Variants in TFB1M observed in about 807,000 individuals in gnomAD.
TFB1M encodes transcription factor B1, mitochondrial.
In TFB1M, 27 loss-of-function variants were observed where a neutral mutation model predicts 31.1. The ratio of observed to expected loss-of-function variants is 0.87; its 90% CI spans 0.64 to 1.20. TFB1M has a LOEUF of 1.20. Ranked by LOEUF, TFB1M falls within the 50% of genes most tolerant of loss-of-function variation. The pLI is 0.00. For missense variants in TFB1M, 394 were observed against 418.7 expected (o/e 0.94, Z 0.51); for synonymous variants, 166 against 151.8 (o/e 1.09, Z -0.69).
chr6:155,254,161 A>T, downstream of TFB1M: 2 of 1,284,904 alleles, frequency 1.6e-6, no homozygotes, highest in South Asian at 2.8e-5. Context: ...TGATGATATC[A>T]GGGTCATACT....
chr6:155,314,030 T>C, intron 1 of TFB1M: 2 of 1,264,476 alleles, frequency 1.6e-6, no homozygotes, highest in South Asian at 3.1e-5. Context: ...CCATGAACCC[T>C]TCCTCCCCTA....
the TFB1M span, among the ~76,000 whole-genome samples, chr6:155,241,082 G>A: frequency 1.3e-5 from 2 of 152,230 alleles, no homozygotes; most frequent in Non-Finnish European, 2.9e-5. Context: ...CGTGACGGCT[G>A]ATCCAGGCCC....
the TFB1M span, among the ~76,000 whole-genome samples, chr6:155,235,081 C>T: frequency 1.8e-4 from 28 of 151,836 alleles, no homozygotes; most frequent in Admixed American, 2.0e-4. Context: ...GAGAGGGGAA[C>T]GGGCCCTGTG....
At chr6:155,236,940 T>G in the TFB1M span, among the ~76,000 whole-genome samples, 1 of 152,156 alleles carries the variant, frequency 6.6e-6, no homozygotes, top group Non-Finnish European at 1.5e-5. Context: ...CTCCCAAATC[T>G]CATATCTTCA....
the TFB1M span, chr6:155,245,766 T>TTTTG: frequency 6.9e-7 from 1 of 1,439,942 alleles, no homozygotes; most frequent in Non-Finnish European, 9.4e-7. Context: ...TTTTTTTTTT[T>TTTTG]TTTTGCATTT....
intron 6 of TFB1M, among the ~76,000 whole-genome samples, chr6:155,258,636 C>T (rs1289947399): frequency 6.6e-6 from 1 of 152,160 alleles, no homozygotes; most frequent in Non-Finnish European, 1.5e-5. Flanking sequence ...TTTTAAATTT[C>T]ATCTATCCAA....
chr6:155,304,169 C>G (rs888361456), intron 2 of TFB1M, among the ~76,000 whole-genome samples: 1 of 152,096 alleles, frequency 6.6e-6, no homozygotes, highest in Non-Finnish European at 1.5e-5. Flanking sequence ...GTAATTCCAG[C>G]TACTCGTCAG....
the TFB1M span, chr6:155,247,882 T>A: frequency 7.6e-7 from 1 of 1,319,526 alleles, no homozygotes; most frequent in East Asian, 2.3e-5. Flanking sequence ...GGGTTTTCAT[T>A]AAAGAATGGC....
chr6:155,293,807 CCT>C (rs1409497476), intron 4 of TFB1M, among the ~76,000 whole-genome samples: 8 of 151,994 alleles, frequency 5.3e-5, no homozygotes, highest in Admixed American at 2.0e-4. Flanking sequence ...TGATTCACTC[CCT>C]GTTATATTTA....
intron 5 of TFB1M, 107 bp downstream of exon 5, chr6:155,285,051 T>C: frequency 2.1e-6 from 3 of 1,422,788 alleles, no homozygotes; most frequent in Non-Finnish European, 2.0e-6. Flanking sequence ...CAGTGTCAGT[T>C]TGCACATAAA....
chr6:155,260,706 G>A, intron 5 of TFB1M: 1 of 417,364 alleles, frequency 2.4e-6, no homozygotes, highest in South Asian at 2.1e-5. Context: ...AATCATTAAA[G>A]TCAGTCAGCA....
At chr6:155,250,727 C>T in the TFB1M span, 1 of 1,166,200 alleles carries the variant, frequency 8.6e-7, no homozygotes, top group Non-Finnish European at 1.2e-6. Flanking sequence ...ATTCATCAGA[C>T]ACTTGGGTGC....
At chr6:155,243,106 C>T in the TFB1M span, among the ~76,000 whole-genome samples, 1 of 152,308 alleles carries the variant, frequency 6.6e-6, no homozygotes, top group East Asian at 1.9e-4. Context: ...TCTACTCCCA[C>T]TATACTGTCC....
intron 5 of TFB1M, among the ~76,000 whole-genome samples, chr6:155,267,084 C>T (rs753555239): frequency 1.2e-4 from 18 of 150,842 alleles, no homozygotes; most frequent in Non-Finnish European, 1.9e-4. Context: ...AAGCAATTCT[C>T]GTGTCTCAGC....
In TFB1M at chr6:155,305,462, TATATAA is replaced by T. The variant is rs1395918907; in HGVS notation, c.285+5720_285+5725del. Reference sequence around the variant, plus strand: ...ATATATATTAAATTATATATTTATATATATAAATATATATTAAATTATATATATAAA... The same window carrying T: ...ATATATATTAAATTATATATTTATATATATATATTAAATTATATATATAAA... On this transcript the variant is annotated intron_variant, in intron 2 of 6. Transcript: ENST00000367166. 1.0e-3 allele frequency among the ~76,000 whole-genome samples: 30 copies of T among 28,808 alleles called. 11 individuals carry two copies. Among genetic ancestry groups the T allele is most frequent in the African/African-American group, 5.7e-3 (29 of 5,102 alleles). The allele number at this position is 28,808 out of a possible 152,430, so 18.9% of individuals were successfully genotyped here. A position where few individuals can be genotyped will look rare whatever the true frequency, so the allele number is the denominator to read the frequency against.
the TFB1M span, among the ~76,000 whole-genome samples, chr6:155,239,792 T>C: frequency 1.3e-5 from 2 of 152,138 alleles, no homozygotes; most frequent in South Asian, 4.1e-4. Flanking sequence ...CTCGCAGAGG[T>C]TTCCTCTGGG....
the TFB1M span, among the ~76,000 whole-genome samples, chr6:155,234,355 A>AT: frequency 2.6e-5 from 4 of 152,218 alleles, no homozygotes; most frequent in South Asian, 2.1e-4. Flanking sequence ...TGGTGTCATC[A>AT]TAACTCACTG....
chr6:155,231,016 AT>A, the TFB1M span, among the ~76,000 whole-genome samples: 18 of 142,512 alleles, frequency 1.3e-4, no homozygotes, highest in Non-Finnish European at 2.3e-4. Context: ...TTTTTTTTGT[AT>A]TTTTAGTAGA....
intron 5 of TFB1M, among the ~76,000 whole-genome samples, chr6:155,271,543 T>C (rs1441792743): frequency 8.5e-5 from 13 of 152,200 alleles, no homozygotes; most frequent in East Asian, 1.9e-4. Context: ...TTTTCTTTTA[T>C]TGAAAAAAAT....
Sources: gnomAD v4.1 joint callset for allele counts (sites outside exome capture counted in the v4.1 genomes callset) on GRCh38, gnomAD v4.1.1 for gene constraint, MANE v1.5 for transcripts, NCBI Gene and HGNC (gene_info 2026-07-23, HGNC 2026-07-21) for gene names.